Variants in MCPH1 observed in about 807,000 individuals in gnomAD.
The protein encoded by MCPH1 is microcephalin.
Under a neutral mutation model 84.5 loss-of-function variants are expected in MCPH1, and 104 were observed. The observed-to-expected ratio is 1.23, with a 90% CI of 1.05 to 1.45. The LOEUF (loss-of-function observed/expected upper bound fraction) is 1.45, where lower values mean the gene tolerates loss of function less well. Ranked by LOEUF, MCPH1 falls within the 40% of genes most tolerant of loss-of-function variation. MCPH1 has a pLI of 0.00. For missense variants in MCPH1, 1,498 were observed against 1,005.7 expected, an observed-to-expected ratio of 1.49 and a Z score of -6.62; for synonymous variants, 514 against 366.8, an observed-to-expected ratio of 1.40 and a Z score of -4.58.
intron 12 of MCPH1, among the ~76,000 whole-genome samples, chr8:6,606,332 A>C (rs112660551): frequency 2.0e-5 from 3 of 152,220 alleles, no homozygotes; most frequent in African/African-American, 7.2e-5. Flanking sequence ...TGAGAAATCA[A>C]ATACAATTCA....
chr8:6,458,026 C>G (rs1399322358), intron 9 of MCPH1, among the ~76,000 whole-genome samples: 1 of 152,112 alleles, frequency 6.6e-6, no homozygotes, highest in Non-Finnish European at 1.5e-5. Context: ...TGAGGTGATT[C>G]TAATGCAAAG....
chr8:6,601,331 T>G (rs1019615339), intron 12 of MCPH1, among the ~76,000 whole-genome samples: 2 of 152,098 alleles, frequency 1.3e-5, no homozygotes, highest in African/African-American at 2.4e-5. Context: ...TTCAGACTCT[T>G]GAGCAAAGCC....
intron 12 of MCPH1, among the ~76,000 whole-genome samples, chr8:6,548,794 G>A (rs1823065773): frequency 6.6e-6 from 1 of 152,188 alleles, no homozygotes; most frequent in Non-Finnish European, 1.5e-5. Context: ...GGGAGGGAGG[G>A]AAGATTTGAA....
chr8:6,582,100 G>C (rs552085199), intron 12 of MCPH1, among the ~76,000 whole-genome samples: 1 of 152,328 alleles, frequency 6.6e-6, no homozygotes, highest in Non-Finnish European at 1.5e-5. Context: ...GTGCTTGGCT[G>C]TGGGATGGGA....
At chr8:6,440,224 T>C (rs1803302258) in intron 6 of MCPH1, among the ~76,000 whole-genome samples, 1 of 152,160 alleles carries the variant, frequency 6.6e-6, no homozygotes, top group East Asian at 1.9e-4. Flanking sequence ...TTTTTAACCA[T>C]ATGGTTTGGT....
intron 9 of MCPH1, among the ~76,000 whole-genome samples, chr8:6,465,333 G>T (rs1400550766): frequency 6.6e-6 from 1 of 152,170 alleles, no homozygotes; most frequent in Non-Finnish European, 1.5e-5. Context: ...TCTCGTTTAG[G>T]CAGCGGCCAC....
intron 3 of MCPH1, among the ~76,000 whole-genome samples, chr8:6,419,166 C>G (rs866650789): frequency 5.7e-5 from 2 of 35,232 alleles, no homozygotes; most frequent in Non-Finnish European, 3.3e-4. Flanking sequence ...CACACACACA[C>G]ACACACACAC....
chr8:6,608,899 G>A (rs574835859), intron 12 of MCPH1, among the ~76,000 whole-genome samples: 10 of 152,114 alleles, frequency 6.6e-5, no homozygotes, highest in African/African-American at 9.7e-5. Flanking sequence ...CTTAATTAGC[G>A]TGGGGTGGGG....
At chr8:6,625,135 A>G in intron 13 of MCPH1, 1 of 960,504 alleles carries the variant, frequency 1.0e-6, no homozygotes, top group Non-Finnish European at 1.2e-6. Context: ...TCGGCCTCCC[A>G]AAGTGCTGGG....
intron 12 of MCPH1, among the ~76,000 whole-genome samples, chr8:6,526,546 A>G (rs1048632929): frequency 2.0e-5 from 3 of 152,248 alleles, no homozygotes; most frequent in African/African-American, 7.2e-5. Flanking sequence ...CATGAAAGAA[A>G]AATATTTGAA....
chr8:6,566,688 T>G (rs902585728), intron 12 of MCPH1, among the ~76,000 whole-genome samples: 3 of 148,966 alleles, frequency 2.0e-5, no homozygotes, highest in Non-Finnish European at 4.5e-5. Flanking sequence ...AGGCCATGGA[T>G]AGTGAACGTG....
At chr8:6,465,087 C>A (rs900486497) in intron 9 of MCPH1, among the ~76,000 whole-genome samples, 1 of 152,150 alleles carries the variant, frequency 6.6e-6, no homozygotes, top group Non-Finnish European at 1.5e-5. Context: ...ATAGTTACAG[C>A]TGCTAGCTCC....
chr8:6,488,956 C>T (rs944861420), intron 11 of MCPH1, among the ~76,000 whole-genome samples: 9 of 151,896 alleles, frequency 5.9e-5, no homozygotes, highest in South Asian at 4.2e-4. Flanking sequence ...GAATCTGTAA[C>T]GTCAGGTGTG....
chr8:6,494,662 A>G (rs1220182499), intron 11 of MCPH1: 3 of 152,246 alleles, frequency 2.0e-5, no homozygotes, highest in Non-Finnish European at 4.4e-5. Flanking sequence ...CACATGTTGT[A>G]TAATTCCTTT....
chr8:6,638,534 G>A (rs1209053988), intron 13 of MCPH1, among the ~76,000 whole-genome samples: 1 of 151,084 alleles, frequency 6.6e-6, no homozygotes, highest in Admixed American at 6.6e-5. Flanking sequence ...TTTAGCTTGT[G>A]CGTAAATGCC....
intron 12 of MCPH1, among the ~76,000 whole-genome samples, chr8:6,503,666 C>T (rs28540519): frequency 0.086 from 13,152 of 152,202 alleles, 1,056 homozygotes; most frequent in African/African-American, 0.21. Flanking sequence ...CTCGCTCAGG[C>T]TCCCCTTGCT....
chr8:6,637,304 G>C (rs1054547113), intron 13 of MCPH1, among the ~76,000 whole-genome samples: 1 of 152,204 alleles, frequency 6.6e-6, no homozygotes, highest in African/African-American at 2.4e-5. Flanking sequence ...AGTATAGAGA[G>C]GAGGAGTGAG....
intron 3 of MCPH1, among the ~76,000 whole-genome samples, chr8:6,419,098 G>C (rs1471856021): frequency 1.3e-5 from 2 of 150,392 alleles, no homozygotes; most frequent in East Asian, 3.9e-4. Flanking sequence ...CAGTCAACTT[G>C]ACTTCAACCC....
At chr8:6,562,190 T>G (rs1159083790) in intron 12 of MCPH1, among the ~76,000 whole-genome samples, 6 of 152,198 alleles carry the variant, frequency 3.9e-5, no homozygotes, top group Admixed American at 1.3e-4. Context: ...CTCCATCCGT[T>G]ATGCCTCGGT....
Sources: allele counts gnomAD v4.1 joint callset (sites outside exome capture counted in the v4.1 genomes callset), GRCh38; gene constraint gnomAD v4.1.1; transcripts MANE v1.5; gene names NCBI Gene and HGNC (gene_info 2026-07-23, HGNC 2026-07-21).